MROH9: variants seen among roughly 807,000 people sequenced by gnomAD.
MROH9 encodes maestro heat-like repeat-containing protein family member 9.
Under a neutral mutation model 98.2 loss-of-function variants are expected in MROH9, and 92 were observed. The observed-to-expected ratio is 0.94, with a 90% confidence interval of 0.79 to 1.11. The LOEUF (loss-of-function observed/expected upper bound fraction) is 1.11, where lower values mean the gene tolerates loss of function less well. Among genes scored for constraint, MROH9 ranks in the 50% most tolerant of loss-of-function variants. The pLI, the probability that MROH9 is intolerant of heterozygous loss-of-function variation, is 0.00. For synonymous variants in MROH9, 397 were observed against 368.9 expected, an observed-to-expected ratio of 1.08 and a Z score of -0.87; for missense variants, 1,057 against 1,014.8, an observed-to-expected ratio of 1.04 and a Z score of -0.57.
chr1:171,005,408 A>G (rs1157477454), intron 15 of MROH9, among the ~76,000 whole-genome samples: 1 of 152,176 alleles, frequency 6.6e-6, no homozygotes, highest in Admixed American at 6.5e-5. Context: ...CTTTCAATAT[A>G]TGAACACTGG....
At chr1:171,041,845 T>C (rs908541454) in intron 20 of MROH9, among the ~76,000 whole-genome samples, 14 of 152,016 alleles carry the variant, frequency 9.2e-5, no homozygotes, top group African/African-American at 3.4e-4. Context: ...TTTTTCATTT[T>C]TTAATATTTT....
chr1:170,944,799 C>T (rs979377460), intron 1 of MROH9, among the ~76,000 whole-genome samples: 4 of 152,104 alleles, frequency 2.6e-5, no homozygotes, highest in African/African-American at 9.6e-5. Context: ...ATATTCCTGT[C>T]CCCTAGTATC....
At chr1:171,048,275 C>G (rs1466494170) in intron 20 of MROH9, among the ~76,000 whole-genome samples, 1 of 152,146 alleles carries the variant, frequency 6.6e-6, no homozygotes, top group Non-Finnish European at 1.5e-5. Context: ...GAGGGGTTGT[C>G]CAGGAGCCAG....
chr1:171,023,057 G>A (rs750967950), intron 17 of MROH9, among the ~76,000 whole-genome samples: 14 of 152,078 alleles, frequency 9.2e-5, no homozygotes, highest in South Asian at 2.1e-4. Flanking sequence ...AGTGGCTCAC[G>A]CCTGTAATCC....
intron 20 of MROH9, among the ~76,000 whole-genome samples, chr1:171,046,590 T>C (rs921072514): frequency 1.3e-5 from 2 of 152,202 alleles, no homozygotes; most frequent in Non-Finnish European, 2.9e-5. Flanking sequence ...TTTAACTTTT[T>C]GTTGCTTCTA....
In MROH9 at chr1:170,971,858, C is replaced by A; in HGVS notation, c.591C>A (p.Leu197=). ...VKQASLGMCH[L]LYIARCQNDI... is the part of the protein sequence containing the mutation. ...AAGCATCATTGGGAATGTGTCACCT[C>A]CTCTACATTGCACGGTGTCAGAACG... The change falls in exon 8 of 22, where the codon CTC becomes CTA. Residue 197 remains leucine (L), a synonymous_variant. Coordinates refer to ENST00000367759, the MANE Select transcript of MROH9 (RefSeq NM_001163629.2). The A allele has an allele frequency of 6.2e-7, 1 of 1,614,058 alleles. No individual in the cohort carries two copies. Among genetic ancestry groups the A allele is most frequent in the Non-Finnish European group, 8.5e-7 (1 of 1,179,934 alleles).
chr1:171,040,715 GGT>G (rs1250048643), intron 20 of MROH9, among the ~76,000 whole-genome samples: 3 of 152,114 alleles, frequency 2.0e-5, no homozygotes, highest in Non-Finnish European at 4.4e-5. Context: ...TCACAAAATG[GGT>G]GTGAGTAGTA....
At chr1:170,953,556 A>G (rs1176877277) in intron 3 of MROH9, among the ~76,000 whole-genome samples, 1 of 152,084 alleles carries the variant, frequency 6.6e-6, no homozygotes. Context: ...CTTTTGTCCC[A>G]TTCTTATGTT....
intron 20 of MROH9, among the ~76,000 whole-genome samples, chr1:171,055,260 T>C (rs745916823): frequency 2.6e-4 from 39 of 152,236 alleles, no homozygotes; most frequent in Middle Eastern, 3.4e-3. Context: ...AACTCAAGAA[T>C]GGAAAACCAA....
At chr1:171,029,636 G>A (rs866303754) in intron 20 of MROH9, among the ~76,000 whole-genome samples, 8 of 152,182 alleles carry the variant, frequency 5.3e-5, no homozygotes, top group Middle Eastern at 6.3e-3. Context: ...GCATCGCAGG[G>A]ATGACGCTGA....
chr1:171,013,386 G>A (rs1652223478), intron 15 of MROH9, among the ~76,000 whole-genome samples: 1 of 152,088 alleles, frequency 6.6e-6, no homozygotes, highest in Non-Finnish European at 1.5e-5. Context: ...TGTGAACTGT[G>A]CATGCAAGGG....
intron 4 of MROH9, among the ~76,000 whole-genome samples, chr1:170,959,065 C>A (rs1010837215): frequency 6.6e-6 from 1 of 152,122 alleles, no homozygotes; most frequent in African/African-American, 2.4e-5. Flanking sequence ...AGCTGAACCT[C>A]ATTTTTGCTT....
At chr1:170,956,715 A>G (rs952188943) in intron 3 of MROH9, among the ~76,000 whole-genome samples, 1 of 151,078 alleles carries the variant, frequency 6.6e-6, no homozygotes, top group Non-Finnish European at 1.5e-5. Context: ...TGTATCTGGA[A>G]ACTTTGCTGA....
At chr1:171,041,719 C>T (rs150216853) in intron 20 of MROH9, among the ~76,000 whole-genome samples, 39 of 151,922 alleles carry the variant, frequency 2.6e-4, no homozygotes, top group Admixed American at 5.9e-4. Flanking sequence ...TTCTCTGTAA[C>T]TTCATCAACA....
At position 171,016,199 on chromosome 1, in the gene MROH9, G is replaced by A; in HGVS notation, c.1771G>A (p.Asp591Asn). Residue 591 changes from aspartate (D) to asparagine (N), a missense_variant, in exon 17 of 22, where the codon GAT (aspartate) becomes AAT (asparagine). By Grantham distance (23) the Asp-to-Asn change is conservative. Transcript: ENST00000367759. ...CAGCAGTATATTAATAGCCATCCTG[G>A]ATGCCTTCCTTTCCAAAGACGATAA... ...NVSSILIAILDAFLSKDDNVV... is the reference protein window; with the variant it reads ...NVSSILIAILNAFLSKDDNVV... 6.5e-7 allele frequency: 1 copy of A among 1,532,300 alleles called. No homozygotes were observed. The highest frequency in any genetic ancestry group is 8.8e-7 in the Non-Finnish European group (1 of 1,138,848). The allele number at this position is 1,532,300 out of a possible 1,614,324, so 94.9% of individuals were successfully genotyped here.
chr1:171,059,826 C>A (rs372771474), intron 20 of MROH9, among the ~76,000 whole-genome samples: 1 of 151,916 alleles, frequency 6.6e-6, no homozygotes, highest in Non-Finnish European at 1.5e-5. Context: ...GGGAGTTGAA[C>A]AATGAGAACA....
At chr1:170,974,355 G>A (rs1448561540) in intron 8 of MROH9, among the ~76,000 whole-genome samples, 3 of 151,826 alleles carry the variant, frequency 2.0e-5, no homozygotes, top group African/African-American at 7.3e-5. Flanking sequence ...GAACATCAAG[G>A]CACATCATAA....
chr1:170,976,284 T>C (rs1650683815), intron 8 of MROH9, among the ~76,000 whole-genome samples: 2 of 152,326 alleles, frequency 1.3e-5, no homozygotes, highest in Non-Finnish European at 1.5e-5. Flanking sequence ...TGACTGGTAC[T>C]GGTCTTTCCT....
At chr1:171,017,049 T>C (rs915088945) in intron 17 of MROH9, among the ~76,000 whole-genome samples, 1 of 152,222 alleles carries the variant, frequency 6.6e-6, no homozygotes, top group Non-Finnish European at 1.5e-5. Context: ...AGCACAGTAT[T>C]ATTAAATTAT....
Sources: gnomAD v4.1 joint callset for allele counts (sites outside exome capture counted in the v4.1 genomes callset) on GRCh38, gnomAD v4.1.1 for gene constraint, MANE v1.5 for transcripts, NCBI Gene and HGNC (gene_info 2026-07-23, HGNC 2026-07-21) for gene names.